AHNAK: variants seen among roughly 807,000 people sequenced by gnomAD.
AHNAK encodes the protein neuroblast differentiation-associated protein AHNAK.
A neutral mutation model predicts 37.8 loss-of-function variants in AHNAK; 23 were observed. The ratio of observed to expected loss-of-function variants is 0.61; its 90% CI spans 0.44 to 0.86. The LOEUF (loss-of-function observed/expected upper bound fraction) is 0.86. Ranked by LOEUF, AHNAK falls within the 40% of genes least tolerant of loss-of-function variation. AHNAK has a pLI of 0.00. For missense variants in AHNAK, 7,411 were observed against 7,319.4 expected (o/e 1.01, Z -0.46); for synonymous variants, 2,481 against 2,636.3 (o/e 0.94, Z 1.80).
chr11:62,483,365 A>G (rs756450851), intron 5 of AHNAK, among the ~76,000 whole-genome samples: 10 of 152,202 alleles, frequency 6.6e-5, no homozygotes, highest in Non-Finnish European at 1.2e-4. Context: ...GAGGATCACT[A>G]ACAAATCATC....
At chr11:62,535,848 C>T in intron 3 of AHNAK, 97 bp downstream of exon 3, 1 of 1,468,226 alleles carries the variant, frequency 6.8e-7, no homozygotes, top group East Asian at 2.4e-5. Context: ...CCCTCGACAG[C>T]CACTCACCCA....
intron 5 of AHNAK, among the ~76,000 whole-genome samples, chr11:62,471,336 G>A (rs141335877): frequency 8.5e-4 from 130 of 152,304 alleles, no homozygotes; most frequent in African/African-American, 3.1e-3. Flanking sequence ...AGGCACGCCA[G>A]GCTAATTTTT....
chr11:62,511,103 A>G (rs1939901860), downstream of AHNAK, among the ~76,000 whole-genome samples: 2 of 152,198 alleles, frequency 1.3e-5, no homozygotes, highest in South Asian at 4.1e-4. Flanking sequence ...AGACATAGCA[A>G]TATTTCAACA....
At position 62,533,711 on chromosome 11, in the gene AHNAK, G is replaced by C; in HGVS notation, c.706C>G (p.Leu236Val). The change falls in exon 5 of 5, where the codon CTC becomes GTC. Residue 236 changes from leucine to valine, a missense_variant. Coordinates refer to ENST00000378024, the MANE Select transcript of AHNAK (RefSeq NM_001620.3). ...AGCTTCGAGTGGCCAGCACCTTGGA[G>C]CTCTGGTCCTGAAGCAGAAATGGCC... ...AGAISASGPE[L>V]QGAGHSKLQV... is the part of the protein sequence containing the mutation. 1 of 1,614,136 alleles carries C rather than the reference G, an allele frequency of 6.2e-7. No homozygotes were observed. Among genetic ancestry groups the C allele is most frequent in the African/African-American group, 1.3e-5 (1 of 75,004 alleles).
intron 5 of AHNAK, among the ~76,000 whole-genome samples, chr11:62,462,947 A>T (rs1206291627): frequency 6.6e-6 from 1 of 152,070 alleles, no homozygotes; most frequent in African/African-American, 2.4e-5. Flanking sequence ...CCTGGTCAAC[A>T]TGGAGAAACC....
rs200283418 is a variant in AHNAK at position 62,533,626 on chromosome 11, C to T, written c.791G>A (p.Gly264Asp). ...GGSGVNVNAK[G>D]LDLGGRGGVQ... ...CCCTCCTCTGCCACCCAAGTCCAAG[C>T]CCTTTGCATTGACATTGACACCTGA... The change falls in exon 5 of 5, where the codon GGC becomes GAC. Residue 264 changes from glycine (G) to aspartate (D), a missense_variant. Transcript: ENST00000378024. The T allele has an allele frequency of 1.8e-4, 283 of 1,614,148 alleles. No homozygotes were observed. In the Middle Eastern group the frequency reaches 3.0e-3, roughly 17 times the overall value.
chr11:62,534,965 G>A (rs1267688315), intron 4 of AHNAK, 38 bp downstream of exon 4: 1 of 1,585,100 alleles, frequency 6.3e-7, no homozygotes, highest in Non-Finnish European at 8.6e-7. Flanking sequence ...GCATGGCCGG[G>A]GGAGCTCAGG....
rs1043991614 is a variant in AHNAK at position 62,516,591 on chromosome 11, C to T, written c.*153G>A. ...ATAGTTCCAGGAGCCTACAGGCGGT[C>T]GGTTTTTCAGCGCTTGCCACCGGGC... On this transcript the variant is annotated 3_prime_UTR_variant, in exon 5 of 5. Transcript: ENST00000378024. 119 of 1,473,590 alleles carry T rather than the reference C, an allele frequency of 8.1e-5. No homozygotes were observed. The highest frequency in any genetic ancestry group is 1.0e-4 in the Non-Finnish European group (116 of 1,123,290). 91.3% of individuals were successfully genotyped at this position (1,473,590 alleles called of 1,614,324 possible).
In AHNAK at chr11:62,517,541, C is replaced by T; in HGVS notation, c.16876G>A (p.Gly5626Arg). The T allele has an allele frequency of 6.2e-7, 1 of 1,614,202 alleles. No individual in the cohort carries two copies. The highest frequency in any genetic ancestry group is 8.5e-7 in the Non-Finnish European group (1 of 1,180,044). Residue 5626 changes from glycine to arginine, a missense_variant, in exon 5 of 5, where the codon GGA becomes AGA. Coordinates refer to ENST00000378024, the MANE Select transcript of AHNAK (RefSeq NM_001620.3). Reference protein sequence around the residue: ...GLHFSGPKVEGGVKGGQIGLQ... With the variant: ...GLHFSGPKVERGVKGGQIGLQ... ...CCAATCTGACCTCCTTTCACACCTC[C>T]TTCCACCTTTGGTCCTGAGAAATGA...
intron 4 of AHNAK, among the ~76,000 whole-genome samples, chr11:62,494,435 C>T (rs1555026029): frequency 6.6e-6 from 1 of 152,032 alleles, no homozygotes; most frequent in Non-Finnish European, 1.5e-5. Flanking sequence ...GCGCTTACCA[C>T]ATGCCAAACG....
chr11:62,457,939 G>T (rs1283582201), intron 5 of AHNAK, among the ~76,000 whole-genome samples: 5 of 141,666 alleles, frequency 3.5e-5, no homozygotes, highest in Non-Finnish European at 7.6e-5. Context: ...TTGAGATGGA[G>T]TCTTACTCTT....
chr11:62,530,900 C>T lies in AHNAK; in HGVS notation c.3517G>A (p.Gly1173Ser). 6.2e-7 allele frequency: 1 copy of T among 1,613,880 alleles called. No individual in the cohort carries two copies. Among genetic ancestry groups the T allele is most frequent in the Non-Finnish European group, 8.5e-7 (1 of 1,179,998 alleles). The change falls in exon 5 of 5, where the codon GGT (glycine) becomes AGT (serine). Residue 1173 changes from glycine to serine, a missense_variant. Transcript: ENST00000378024. ...DIEAPDVSLE[G>S]PEGKLKGPKF... ...GGACCCTTCAGCTTCCCTTCTGGAC[C>T]TTCGAGGCTCACATCTGGGGCTTCG... is the stretch of plus-strand genomic sequence containing the variant.
intron 4 of AHNAK, among the ~76,000 whole-genome samples, chr11:62,507,089 A>C (rs1490235890): frequency 2.7e-5 from 4 of 145,576 alleles, no homozygotes; most frequent in East Asian, 2.0e-4. Flanking sequence ...CCCTCCCCCC[A>C]CTCCTCTCCA....
intron 5 of AHNAK, among the ~76,000 whole-genome samples, chr11:62,481,955 C>T (rs1385449787): frequency 6.6e-6 from 1 of 152,116 alleles, no homozygotes; most frequent in Non-Finnish European, 1.5e-5. Context: ...GCCCCATCTC[C>T]CCCACCATTC....
rs1411064899 is a variant in AHNAK at position 62,527,450 on chromosome 11, C to T, written c.6967G>A (p.Gly2323Arg). The T allele has an allele frequency of 1.5e-5, 24 of 1,614,080 alleles. No individual in the cohort carries two copies. Among genetic ancestry groups the T allele is most frequent in the Non-Finnish European group, 1.9e-5 (23 of 1,180,004 alleles). Reference protein sequence around the residue: ...SMPDVDFNLKGPKIKGDVDVS... With the variant: ...SMPDVDFNLKRPKIKGDVDVS... The stretch of plus-strand genomic sequence containing the variant: ...TCAACATCTCCTTTGATTTTGGGTC[C>T]CTTTAAATTGAAATCAACATCAGGC... Residue 2323 changes from glycine to arginine, a missense_variant, in exon 5 of 5, where the codon GGA (glycine) becomes AGA (arginine). Coordinates refer to ENST00000378024, the MANE Select transcript of AHNAK (RefSeq NM_001620.3).
intron 1 of AHNAK, chr11:62,537,459 T>A (rs1940985692): frequency 6.6e-6 from 1 of 152,208 alleles, no homozygotes; most frequent in Non-Finnish European, 1.5e-5. Flanking sequence ...TTTTGCCATG[T>A]TGCCCAGGCT....
At chr11:62,480,938 T>A (rs1226610763) in intron 5 of AHNAK, among the ~76,000 whole-genome samples, 1 of 151,432 alleles carries the variant, frequency 6.6e-6, no homozygotes, top group Non-Finnish European at 1.5e-5. Flanking sequence ...CAGTAAATAA[T>A]GTCCTCGACC....
At chr11:62,538,262 C>T (rs1221267731) in intron 1 of AHNAK, among the ~76,000 whole-genome samples, 1 of 152,196 alleles carries the variant, frequency 6.6e-6, no homozygotes, top group Non-Finnish European at 1.5e-5. Flanking sequence ...GCTGAGCCCA[C>T]CTTGGCCCAC....
intron 4 of AHNAK, among the ~76,000 whole-genome samples, chr11:62,499,096 G>A (rs1939667135): frequency 6.6e-6 from 1 of 152,198 alleles, no homozygotes; most frequent in Non-Finnish European, 1.5e-5. Flanking sequence ...AGACAGGCAT[G>A]GGCATGGGGA....
Sources: gnomAD v4.1 joint callset for allele counts (sites outside exome capture counted in the v4.1 genomes callset) on GRCh38, gnomAD v4.1.1 for gene constraint, MANE v1.5 for transcripts, NCBI Gene and HGNC (gene_info 2026-07-23, HGNC 2026-07-21) for gene names.